Variants in MAP4K3 observed in about 807,000 individuals in gnomAD.
MAP4K3 encodes MAPK/ERK kinase kinase kinase 3.
In MAP4K3, 94 loss-of-function variants were observed where a neutral mutation model predicts 143.5. That is an observed-to-expected ratio of 0.65 (90% CI 0.55 to 0.78). The LOEUF (loss-of-function observed/expected upper bound fraction) is 0.78. MAP4K3 is among the 30% of genes least tolerant of loss of function. The probability of loss-of-function intolerance (pLI) is 0.00; values close to 1 mark genes in which losing one functional copy is unlikely to be tolerated. For synonymous variants in MAP4K3, 416 were observed against 347.2 expected, an observed-to-expected ratio of 1.20 and a Z score of -2.20; for missense variants, 1,077 against 1,068.1, an observed-to-expected ratio of 1.01 and a Z score of -0.12.
chr2:39,369,193 G>GTTTTTTTTTTTTTTTTTTTTTT (rs1553419595), intron 2 of MAP4K3, among the ~76,000 whole-genome samples: 3 of 37,962 alleles, frequency 7.9e-5, no homozygotes, highest in Admixed American at 4.1e-4. Context: ...CTTTGGGCTA[G>GTTTTTTTTTTTTTTTTTTTTTT]TTTTTTTTTT....
chr2:39,258,649 T>C (rs1277773778), intron 29 of MAP4K3, 62 bp from the exon 30 acceptor site: 9 of 1,150,694 alleles, frequency 7.8e-6, no homozygotes, highest in Admixed American at 1.8e-5. Flanking sequence ...CATGGAAACA[T>C]TGAAGAAAAA....
chr2:39,257,964 G>A (rs1030987250), intron 31 of MAP4K3, among the ~76,000 whole-genome samples: 5 of 151,834 alleles, frequency 3.3e-5, no homozygotes, highest in South Asian at 4.2e-4. Context: ...CAAGAGTCTC[G>A]TTCCTCACCC....
intron 1 of MAP4K3, among the ~76,000 whole-genome samples, chr2:39,417,309 T>A (rs1424453740): frequency 1.3e-5 from 2 of 150,414 alleles, no homozygotes; most frequent in Non-Finnish European, 2.9e-5. Context: ...AAGCTCCTCC[T>A]CCCGGATTCA....
At chr2:39,292,361 T>C (rs1381842025) in intron 18 of MAP4K3, among the ~76,000 whole-genome samples, 2 of 152,204 alleles carry the variant, frequency 1.3e-5, no homozygotes, top group African/African-American at 4.8e-5. Flanking sequence ...AATGAGGTTG[T>C]AACAGTGGGA....
At chr2:39,431,311 G>A (rs1204074253) in intron 1 of MAP4K3, among the ~76,000 whole-genome samples, 2 of 152,142 alleles carry the variant, frequency 1.3e-5, no homozygotes, top group Non-Finnish European at 2.9e-5. Flanking sequence ...TTTTTTGTGA[G>A]CATTTGTGAT....
intron 1 of MAP4K3, among the ~76,000 whole-genome samples, chr2:39,411,837 A>G (rs1468633419): frequency 6.6e-6 from 1 of 152,196 alleles, no homozygotes; most frequent in Non-Finnish European, 1.5e-5. Flanking sequence ...ATGGCTACAT[A>G]TCTACATGGT....
intron 6 of MAP4K3, among the ~76,000 whole-genome samples, 194 bp downstream of exon 6, chr2:39,336,726 G>A (rs1219493239): frequency 6.6e-6 from 1 of 151,756 alleles, no homozygotes; most frequent in Non-Finnish European, 1.5e-5. Context: ...ACTTTAAAAG[G>A]GTGAATTTTA....
At chr2:39,334,893 A>T (rs924180369) in intron 6 of MAP4K3, among the ~76,000 whole-genome samples, 1 of 152,218 alleles carries the variant, frequency 6.6e-6, no homozygotes, top group African/African-American at 2.4e-5. Context: ...GGTAGAAATA[A>T]TTACTCTGAA....
chr2:39,317,862 C>A (rs1242269179), intron 12 of MAP4K3, among the ~76,000 whole-genome samples: 2 of 152,114 alleles, frequency 1.3e-5, no homozygotes, highest in East Asian at 3.9e-4. Context: ...TCTCAAAGAA[C>A]TTAGAACAAC....
chr2:39,429,598 T>G (rs1054873271), intron 1 of MAP4K3, among the ~76,000 whole-genome samples: 2 of 152,168 alleles, frequency 1.3e-5, no homozygotes, highest in Admixed American at 6.5e-5. Flanking sequence ...GGAAGGTGGG[T>G]GTTGGGTACA....
chr2:39,424,989 G>A (rs1364306295), intron 1 of MAP4K3, among the ~76,000 whole-genome samples: 1 of 152,098 alleles, frequency 6.6e-6, no homozygotes, highest in South Asian at 2.1e-4. Context: ...ATAAGATGTG[G>A]GGAATCCCAA....
intron 1 of MAP4K3, among the ~76,000 whole-genome samples, chr2:39,431,272 C>G (rs567577063): frequency 6.6e-6 from 1 of 152,094 alleles, no homozygotes. Flanking sequence ...CAGGTGGAGA[C>G]AGGGAGCCAG....
At chr2:39,380,905 A>T (rs2148583979) in intron 1 of MAP4K3, among the ~76,000 whole-genome samples, 1 of 152,244 alleles carries the variant, frequency 6.6e-6, no homozygotes, top group Non-Finnish European at 1.5e-5. Flanking sequence ...ATGTAACTAT[A>T]CTAACTAATT....
chr2:39,252,319 A>AGT (rs1265544586), intron 32 of MAP4K3, among the ~76,000 whole-genome samples: 1 of 152,208 alleles, frequency 6.6e-6, no homozygotes, highest in Non-Finnish European at 1.5e-5. Context: ...CTTGAGTTTG[A>AGT]CTGTCAGTTC....
At chr2:39,411,669 G>C (rs1484713770) in intron 1 of MAP4K3, among the ~76,000 whole-genome samples, 2 of 152,174 alleles carry the variant, frequency 1.3e-5, no homozygotes, top group Non-Finnish European at 2.9e-5. Context: ...TCAGTTCTAA[G>C]TGCATCAAGT....
chr2:39,395,110 T>C (rs920055602), intron 1 of MAP4K3, among the ~76,000 whole-genome samples: 3 of 152,024 alleles, frequency 2.0e-5, no homozygotes, highest in Admixed American at 2.0e-4. Context: ...AATATCCAGT[T>C]TAATTAAAAA....
chr2:39,265,479 A>G (rs894495411), intron 27 of MAP4K3, among the ~76,000 whole-genome samples, 173 bp from the exon 28 acceptor site: 1 of 152,216 alleles, frequency 6.6e-6, no homozygotes, highest in African/African-American at 2.4e-5. Context: ...ATACTGTTTC[A>G]GGTAATAGCA....
intron 2 of MAP4K3, among the ~76,000 whole-genome samples, chr2:39,369,324 T>A (rs1298552145): frequency 6.6e-6 from 1 of 151,256 alleles, no homozygotes; most frequent in Non-Finnish European, 1.5e-5. Flanking sequence ...GCCTCTCAAG[T>A]AGCTGGGAAT....
chr2:39,336,882 TGAA>T (rs778709981), intron 6 of MAP4K3, 35 bp downstream of exon 6: 3 of 899,582 alleles, frequency 3.3e-6, no homozygotes, highest in Non-Finnish European at 4.9e-6. Flanking sequence ...TATTTAAAAA[TGAA>T]GAGAGGGTTA....
Sources: allele counts gnomAD v4.1 joint callset (sites outside exome capture counted in the v4.1 genomes callset), GRCh38; gene constraint gnomAD v4.1.1; transcripts MANE v1.5; gene names NCBI Gene and HGNC (gene_info 2026-07-23, HGNC 2026-07-21).